Variants in CHD2 observed in about 807,000 individuals in gnomAD.
The protein encoded by CHD2 is chromodomain helicase DNA binding protein 2.
In CHD2, 28 loss-of-function variants were observed where a neutral mutation model predicts 243.9. The ratio of observed to expected loss-of-function variants is 0.11; its 90% CI spans 0.09 to 0.16. The LOEUF is 0.16. Ranked by LOEUF, CHD2 falls within the 10% of genes least tolerant of loss-of-function variation. The probability of loss-of-function intolerance (pLI) is 1.00; values close to 1 mark genes in which losing one functional copy is unlikely to be tolerated. For synonymous variants in CHD2, 775 were observed against 779.0 expected (o/e 0.99, Z 0.09); for missense variants, 1,386 against 2,209.8 (o/e 0.63, Z 7.47).
chr15:92,953,257 G>C, intron 13 of CHD2, 100 bp from the exon 14 acceptor site: 1 of 863,700 alleles, frequency 1.2e-6, no homozygotes, highest in Non-Finnish European at 1.9e-6. Context: ...ACCTTGCTTG[G>C]CTGTTATTGT....
chr15:93,004,766 C>CG lies in CHD2; in HGVS notation c.4413+21dup, dbSNP rs769684117. The CG allele has an allele frequency of 1.9e-6, 3 of 1,607,718 alleles. No individual in the cohort carries two copies. Among genetic ancestry groups the CG allele is most frequent in the South Asian group, 1.1e-5 (1 of 90,038 alleles). Reference sequence around the variant, plus strand: ...CATTCAGCATAGTAAGTCTTGAAATCGGGGGGTGCCAGTGTCTGCAGCCGC... The same window carrying CG: ...CATTCAGCATAGTAAGTCTTGAAATCGGGGGGGTGCCAGTGTCTGCAGCCGC... On this transcript the variant is annotated intron_variant, in intron 34 of 38. Coordinates refer to ENST00000394196, the MANE Select transcript of CHD2 (RefSeq NM_001271.4).
intron 26 of CHD2, among the ~76,000 whole-genome samples, chr15:92,987,674 C>CT (rs747166258): frequency 6.6e-6 from 1 of 150,502 alleles, no homozygotes; most frequent in Non-Finnish European, 1.5e-5. Context: ...CTGCCAATCT[C>CT]TTTTTTTTGA....
At chr15:92,985,698 G>T in intron 26 of CHD2, 25 bp downstream of exon 26, 1 of 1,594,544 alleles carries the variant, frequency 6.3e-7, no homozygotes, top group Non-Finnish European at 8.5e-7. Flanking sequence ...TGTTCTCACT[G>T]AGCTTGTTTG....
At chr15:92,912,768 T>A (rs1567120926) in intron 2 of CHD2, among the ~76,000 whole-genome samples, 1 of 151,634 alleles carries the variant, frequency 6.6e-6, no homozygotes, top group Non-Finnish European at 1.5e-5. Context: ...ACTCCTGACC[T>A]CGTGATCCGC....
In CHD2 at chr15:93,011,329, A is replaced by G. The variant is rs181448973; in HGVS notation, c.4593-1016A>G. Among the ~76,000 whole-genome samples the G allele has an allele frequency of 2.0e-3, 308 of 152,344 alleles. 2 individuals carry two copies. The highest frequency in any genetic ancestry group is 7.0e-3 in the African/African-American group (290 of 41,578). ...GGAAGTGCGTGAAGAGTAGTCAGGA[A>G]GGAAGGTCTTCTGAGAGGCAGGCAG... On this transcript the variant is annotated intron_variant, in intron 35 of 38. Transcript: ENST00000394196.
chr15:92,947,987 C>T (rs193117180), intron 12 of CHD2, among the ~76,000 whole-genome samples: 10 of 152,318 alleles, frequency 6.6e-5, no homozygotes, highest in Admixed American at 2.0e-4. Flanking sequence ...TGTAAATTCA[C>T]GCTATGGACA....
intron 5 of CHD2, among the ~76,000 whole-genome samples, chr15:92,932,371 T>C (rs1462352058): frequency 6.6e-6 from 1 of 151,394 alleles, no homozygotes; most frequent in Non-Finnish European, 1.5e-5. Context: ...TATACATGTG[T>C]CATGTTGGTG....
At chr15:92,994,173 G>T (rs1012051988) in intron 28 of CHD2, among the ~76,000 whole-genome samples, 7 of 152,038 alleles carry the variant, frequency 4.6e-5, no homozygotes, top group African/African-American at 1.4e-4. Context: ...TGGAATTTTG[G>T]TTCTACCACT....
At chr15:92,990,559 T>C (rs867301350) in intron 26 of CHD2, among the ~76,000 whole-genome samples, 7 of 152,338 alleles carry the variant, frequency 4.6e-5, no homozygotes, top group Middle Eastern at 3.4e-3. Context: ...GAAGGAGAAA[T>C]GCAGTTAAGG....
In CHD2 at chr15:93,020,273, G is replaced by A. The variant is rs771462711; in HGVS notation, c.5153+15G>A. On this transcript the variant is annotated intron_variant, in intron 38 of 38. Coordinates refer to ENST00000394196, the MANE Select transcript of CHD2 (RefSeq NM_001271.4). ...TATTATGACAGGTATGCAAAAGGCT[G>A]TGAGACACCAGGTGCCAACCTTTGC... 6.2e-7 allele frequency: 1 copy of A among 1,613,962 alleles called. No individual in the cohort carries two copies. Among genetic ancestry groups the A allele is most frequent in the African/African-American group, 1.3e-5 (1 of 74,920 alleles).
chr15:92,950,191 C>T (rs1056166425), intron 13 of CHD2, among the ~76,000 whole-genome samples: 15 of 152,182 alleles, frequency 9.9e-5, no homozygotes, highest in African/African-American at 3.6e-4. Flanking sequence ...TACTTATTCC[C>T]TTACTATATT....
intron 34 of CHD2, among the ~76,000 whole-genome samples, chr15:93,006,883 G>A (rs1255767723): frequency 1.3e-5 from 2 of 152,158 alleles, no homozygotes; most frequent in African/African-American, 2.4e-5. Flanking sequence ...TAATAATTGT[G>A]GCTGTCATTT....
chr15:92,940,150 AG>A (rs2053335609), intron 7 of CHD2, among the ~76,000 whole-genome samples: 4 of 152,224 alleles, frequency 2.6e-5, no homozygotes, highest in Non-Finnish European at 5.9e-5. Flanking sequence ...AAGCATTAAT[AG>A]GAATTATCAT....
chr15:92,944,581 A>T, intron 10 of CHD2, 66 bp downstream of exon 10: 1 of 786,014 alleles, frequency 1.3e-6, no homozygotes, highest in Non-Finnish European at 2.0e-6. Context: ...TGCTTTTGGA[A>T]GTAATGTAAA....
chr15:92,958,601 G>A (rs1485074565), intron 16 of CHD2, among the ~76,000 whole-genome samples: 1 of 152,070 alleles, frequency 6.6e-6, no homozygotes, highest in African/African-American at 2.4e-5. Flanking sequence ...AGTTGAAGAG[G>A]TTTTTTATTT....
chr15:92,923,712 T>A (rs530489832), intron 2 of CHD2, among the ~76,000 whole-genome samples: 1 of 152,048 alleles, frequency 6.6e-6, no homozygotes, highest in East Asian at 1.9e-4. Flanking sequence ...ACTGCAGGTG[T>A]GTGCCACCAC....
chr15:92,937,938 G>C (rs920939323), intron 6 of CHD2, among the ~76,000 whole-genome samples: 3 of 152,208 alleles, frequency 2.0e-5, no homozygotes, highest in Non-Finnish European at 4.4e-5. Flanking sequence ...AAGCATACTT[G>C]AGTGGTTTAT....
chr15:92,952,102 G>T (rs2053561543), intron 13 of CHD2, among the ~76,000 whole-genome samples: 1 of 152,056 alleles, frequency 6.6e-6, no homozygotes, highest in Non-Finnish European at 1.5e-5. Flanking sequence ...CTAATTTCCT[G>T]CCAAAATGAC....
At chr15:92,906,664 CTTTTTTTT>C (rs66638937) in intron 2 of CHD2, among the ~76,000 whole-genome samples, 1 of 128,856 alleles carries the variant, frequency 7.8e-6, no homozygotes, top group Non-Finnish European at 1.6e-5. Flanking sequence ...TATGAGCCAT[CTTTTTTTT>C]TTTTTTTTTT....
Sources: allele counts gnomAD v4.1 joint callset (sites outside exome capture counted in the v4.1 genomes callset), GRCh38; gene constraint gnomAD v4.1.1; transcripts MANE v1.5; gene names NCBI Gene and HGNC (gene_info 2026-07-23, HGNC 2026-07-21).